The following PTPRN2 variants were observed in gnomAD, a reference collection of about 807,000 sequenced individuals.
PTPRN2 encodes protein tyrosine phosphatase receptor type N2, also known as receptor-type tyrosine-protein phosphatase N2.
A neutral mutation model predicts 118.8 loss-of-function variants in PTPRN2; 74 were observed. The observed-to-expected ratio is 0.62, with a 90% confidence interval of 0.52 to 0.76. PTPRN2 has a LOEUF of 0.76. PTPRN2 is among the 30% of genes least tolerant of loss of function. PTPRN2 has a pLI of 0.00. For synonymous variants in PTPRN2, 641 were observed against 608.0 expected (o/e 1.05, Z -0.80); for missense variants, 1,481 against 1,394.4 (o/e 1.06, Z -0.99).
At chr7:158,341,026 C>T (rs1314717263) in intron 2 of PTPRN2, among the ~76,000 whole-genome samples, 4 of 12,288 alleles carry the variant, frequency 3.3e-4, no homozygotes, top group East Asian at 9.5e-4. Context: ...GTCACTCACA[C>T]CCACACTCAC....
At position 157,963,167 on chromosome 7, in the gene PTPRN2, C is replaced by T. The variant is rs562089640; in HGVS notation, c.1724-64430G>A. On this transcript the variant is annotated intron_variant, in intron 11 of 22. Transcript: ENST00000389418. ...TCAGATGCAAGCCTGCAGGCTGAGC[C>T]GGGCAGTCTCCTGGCCTCAGGTGGA... Among the ~76,000 whole-genome samples the T allele has an allele frequency of 1.6e-4, 25 of 152,366 alleles. No individual in the cohort carries two copies. In the South Asian group the frequency reaches 3.5e-3, roughly 21 times the overall value.
intron 13 of PTPRN2, among the ~76,000 whole-genome samples, chr7:157,659,868 C>T (rs1795808889): frequency 6.6e-6 from 1 of 152,126 alleles, no homozygotes; most frequent in Admixed American, 6.5e-5. Context: ...CCTCACTCCC[C>T]TGATTAGCTG....
intron 12 of PTPRN2, among the ~76,000 whole-genome samples, chr7:157,717,998 A>G (rs1057150493): frequency 6.6e-6 from 1 of 152,252 alleles, no homozygotes; most frequent in Non-Finnish European, 1.5e-5. Context: ...GCCCTGGGCC[A>G]CATTCCCCAG....
chr7:157,625,295 G>A (rs1030026245), intron 14 of PTPRN2, among the ~76,000 whole-genome samples: 3 of 152,184 alleles, frequency 2.0e-5, no homozygotes, highest in Non-Finnish European at 2.9e-5. Flanking sequence ...GTTTATAGCA[G>A]CACAATTCAC....
intron 17 of PTPRN2, among the ~76,000 whole-genome samples, chr7:157,589,599 C>G (rs1800871568): frequency 6.6e-6 from 1 of 152,188 alleles, no homozygotes; most frequent in Admixed American, 6.5e-5. Flanking sequence ...GCAACCAGAG[C>G]TCAACGCCTG....
intron 9 of PTPRN2, among the ~76,000 whole-genome samples, chr7:158,130,964 A>G (rs899660341): frequency 2.0e-5 from 3 of 151,260 alleles, no homozygotes; most frequent in South Asian, 2.1e-4. Context: ...TCTACCCAAC[A>G]CACACATATA....
intron 9 of PTPRN2, among the ~76,000 whole-genome samples, chr7:158,130,236 T>C (rs776157276): frequency 1.3e-5 from 2 of 152,182 alleles, no homozygotes; most frequent in Non-Finnish European, 2.9e-5. Context: ...ACAGATGGGT[T>C]CTAGCTGTCA....
intron 5 of PTPRN2, among the ~76,000 whole-genome samples, chr7:158,184,379 TA>T (rs1824965034): frequency 6.6e-6 from 1 of 152,250 alleles, no homozygotes; most frequent in Non-Finnish European, 1.5e-5. Context: ...CTATATTTTT[TA>T]AAATTCATAT....
At chr7:158,072,862 G>A (rs1375267197) in intron 11 of PTPRN2, among the ~76,000 whole-genome samples, 3 of 152,192 alleles carry the variant, frequency 2.0e-5, no homozygotes, top group Non-Finnish European at 2.9e-5. Flanking sequence ...AAATAATTGA[G>A]CCCTTCAGAG....
At chr7:158,267,238 G>A (rs1797945716) in intron 3 of PTPRN2, among the ~76,000 whole-genome samples, 1 of 152,218 alleles carries the variant, frequency 6.6e-6, no homozygotes, top group South Asian at 2.1e-4. Flanking sequence ...GAGCAGCGAG[G>A]CACTGTGAGC....
intron 12 of PTPRN2, among the ~76,000 whole-genome samples, chr7:157,722,912 C>A (rs1213785659): frequency 6.6e-6 from 1 of 152,146 alleles, no homozygotes; most frequent in African/African-American, 2.4e-5. Flanking sequence ...CACCCCTGTT[C>A]CTGGCACCTG....
chr7:158,274,718 C>T (rs571190702), intron 3 of PTPRN2, among the ~76,000 whole-genome samples: 1 of 152,170 alleles, frequency 6.6e-6, no homozygotes, highest in African/African-American at 2.4e-5. Flanking sequence ...CCCAGAGGGG[C>T]TCAGGTACCC....
At position 157,804,034 on chromosome 7, in the gene PTPRN2, A is replaced by G. The variant is rs370994976; in HGVS notation, c.1788+94639T>C. The stretch of plus-strand genomic sequence containing the variant: ...AGTAGAAACATATGCAAGAGTAGAT[A>G]ATATTGATGTATCCTTATTATATTT... On this transcript the variant is annotated intron_variant, in intron 12 of 22. Transcript: ENST00000389418. Among the ~76,000 whole-genome samples the G allele has an allele frequency of 2.2e-4, 34 of 152,384 alleles. No individual in the cohort carries two copies. The East Asian group carries it at 2.3e-3, about 10-fold the overall frequency.
At chr7:158,058,233 C>A in intron 11 of PTPRN2, among the ~76,000 whole-genome samples, 1 of 149,540 alleles carries the variant, frequency 6.7e-6, no homozygotes, top group East Asian at 2.0e-4. Context: ...ACTGCAGCCA[C>A]ACTCCATCTG....
intron 6 of PTPRN2, among the ~76,000 whole-genome samples, chr7:158,145,890 T>A (rs1274704484): frequency 1.3e-5 from 2 of 152,180 alleles, no homozygotes; most frequent in Admixed American, 1.3e-4. Flanking sequence ...GCCCCAGCGC[T>A]CATGGTCTGT....
intron 2 of PTPRN2, among the ~76,000 whole-genome samples, chr7:158,320,492 C>T (rs572285545): frequency 6.9e-5 from 10 of 144,936 alleles, no homozygotes; most frequent in East Asian, 4.0e-4. Flanking sequence ...GCTGTGATGG[C>T]GCCCCCATCG....
At position 158,467,290 on chromosome 7, in the gene PTPRN2, T is replaced by G. The variant is rs78066641; in HGVS notation, c.163+22445A>C. On this transcript the variant is annotated intron_variant, in intron 2 of 22. Transcript: ENST00000389418. ...GGGTTTTTTGGCTTTTGGGTTTTTTTTGTGTGTTGTTTGTTTGTTTGTTTT... is the reference window on the plus strand; with the variant it reads ...GGGTTTTTTGGCTTTTGGGTTTTTTGTGTGTGTTGTTTGTTTGTTTGTTTT... Among the ~76,000 whole-genome samples, 11 of 151,884 alleles carry G rather than the reference T, an allele frequency of 7.2e-5. No homozygotes were observed. The East Asian group carries it at 7.7e-4, about 11-fold the overall frequency.
rs189673179 is a variant in PTPRN2, at chr7:158,128,019, C to A, written c.1556+5658G>T. On this transcript the variant is annotated intron_variant, in intron 9 of 22. Coordinates refer to ENST00000389418, the MANE Select transcript of PTPRN2 (RefSeq NM_002847.5). ...TGGAAAAGCCGAGCCCTACCATCCT[C>A]CCATCTGAACCTCAGCACCAAGAGC... Among the ~76,000 whole-genome samples the A allele has an allele frequency of 9.2e-5, 14 of 152,306 alleles. No individual in the cohort carries two copies. In the East Asian group the frequency reaches 2.7e-3, roughly 29 times the overall value.
At chr7:158,471,978 G>A (rs1020539625) in intron 2 of PTPRN2, among the ~76,000 whole-genome samples, 4 of 151,752 alleles carry the variant, frequency 2.6e-5, no homozygotes, top group Admixed American at 6.6e-5. Context: ...TTCCGGCCCC[G>A]CCACGGTTCC....
Sources: gnomAD v4.1 joint callset for allele counts (sites outside exome capture counted in the v4.1 genomes callset) on GRCh38, gnomAD v4.1.1 for gene constraint, MANE v1.5 for transcripts, NCBI Gene and HGNC (gene_info 2026-07-23, HGNC 2026-07-21) for gene names.